SPCS2: variants seen among roughly 807,000 people sequenced by gnomAD.
SPCS2 encodes the protein SPase 25 kDa subunit.
A neutral mutation model predicts 22.3 loss-of-function variants in SPCS2; 3 were observed. The observed-to-expected ratio is 0.13, with a 90% CI of 0.06 to 0.35. SPCS2 has a LOEUF of 0.35. Among genes scored for constraint, SPCS2 ranks in the 10% least tolerant of loss-of-function variants. The pLI, the probability that SPCS2 is intolerant of heterozygous loss-of-function variation, is 1.00. For missense variants in SPCS2, 169 were observed against 280.9 expected, an observed-to-expected ratio of 0.60 and a Z score of 2.85; for synonymous variants, 67 against 97.2, an observed-to-expected ratio of 0.69 and a Z score of 1.83.
chr11:74,970,016 T>G (rs557061346), intron 4 of SPCS2, among the ~76,000 whole-genome samples: 13 of 152,208 alleles, frequency 8.5e-5, no homozygotes, highest in Non-Finnish European at 1.6e-4. Flanking sequence ...AGAATTCCAT[T>G]AGCTTCTGTG....
In SPCS2 at chr11:74,977,064, C is replaced by T. The variant is rs776484908; in HGVS notation, c.*21C>T. Reference sequence around the variant, plus strand: ...AGTAGCCAATTCTAAAAGTAGCCCTCTTTCTCCTGGATCTTGCTGAATTAG... The same window carrying T: ...AGTAGCCAATTCTAAAAGTAGCCCTTTTTCTCCTGGATCTTGCTGAATTAG... On this transcript the variant is annotated 3_prime_UTR_variant, in exon 5 of 5. Coordinates refer to ENST00000263672, the MANE Select transcript of SPCS2 (RefSeq NM_014752.3). 7.9e-6 allele frequency: 11 copies of T among 1,393,928 alleles called. No homozygotes were observed. The South Asian group carries it at 1.4e-4, about 17-fold the overall frequency. The allele number at this position is 1,393,928 out of a possible 1,614,324, so 86.3% of individuals were successfully genotyped here. A position where few individuals can be genotyped will look rare whatever the true frequency, so the allele number is the denominator to read the frequency against.
intron 1 of SPCS2, among the ~76,000 whole-genome samples, chr11:74,954,637 G>T (rs578142445): frequency 6.6e-6 from 1 of 152,184 alleles, no homozygotes; most frequent in Non-Finnish European, 1.5e-5. Flanking sequence ...ATAATTGTGT[G>T]TGTGTGTTTA....
chr11:74,978,615 CTT>C lies in SPCS2; in HGVS notation c.*1575_*1576del, dbSNP rs912168501. 2 of 152,226 alleles carry C rather than the reference CTT, an allele frequency of 1.3e-5. No individual in the cohort carries two copies. Among genetic ancestry groups the C allele is most frequent in the African/African-American group, 2.4e-5 (1 of 41,456 alleles). The allele number at this position is 152,226 out of a possible 1,614,324, so 9.4% of individuals were successfully genotyped here. ...TAACCTACACACATCCTCCCATATACTTTTAATCACCTCTGGATTACCTATAA... is the reference window on the plus strand; with the variant it reads ...TAACCTACACACATCCTCCCATATACTTAATCACCTCTGGATTACCTATAA... On this transcript the variant is annotated 3_prime_UTR_variant, in exon 5 of 5. Coordinates refer to ENST00000263672, the MANE Select transcript of SPCS2 (RefSeq NM_014752.3).
intron 1 of SPCS2, among the ~76,000 whole-genome samples, chr11:74,957,529 T>C (rs1487252289): frequency 2.6e-5 from 4 of 152,212 alleles, no homozygotes; most frequent in African/African-American, 7.2e-5. Flanking sequence ...TCCTAGCCAG[T>C]CTTCGTGCCT....
intron 3 of SPCS2, 73 bp from the exon 4 acceptor site, chr11:74,969,492 T>C (rs1948568281): frequency 7.0e-7 from 1 of 1,438,524 alleles, no homozygotes; most frequent in South Asian, 1.2e-5. Flanking sequence ...TGAAAGTTTT[T>C]ATATCTGTTG....
chr11:74,958,320 T>A (rs946446391), intron 1 of SPCS2, among the ~76,000 whole-genome samples: 9 of 152,248 alleles, frequency 5.9e-5, no homozygotes, highest in African/African-American at 1.9e-4. Flanking sequence ...CTTTGCAGTG[T>A]ATCTTGGCCA....
intron 1 of SPCS2, among the ~76,000 whole-genome samples, chr11:74,962,740 C>T (rs145296910): frequency 9.9e-5 from 15 of 152,256 alleles, no homozygotes; most frequent in South Asian, 4.1e-4. Flanking sequence ...TTACTTGCTT[C>T]GAAATGGGCT....
In SPCS2 at chr11:74,965,124, TC is replaced by T. The variant is rs1948536147; in HGVS notation, c.198+8del. On this transcript the variant is annotated splice_region_variant and intron_variant, in intron 2 of 4. Coordinates refer to ENST00000263672, the MANE Select transcript of SPCS2 (RefSeq NM_014752.3). ...GGATGATTCTGCCAAAAAGGTACTT[TC>T]TTGAGGAGGGGTTGGTTAGTATCTA... 6.5e-7 allele frequency: 1 copy of T among 1,544,288 alleles called. No individual in the cohort carries two copies. Among genetic ancestry groups the T allele is most frequent in the African/African-American group, 1.4e-5 (1 of 72,808 alleles).
Position 74,964,037 on chromosome 11 carries a change from G to A in SPCS2, c.115-997G>A, listed in dbSNP as rs540509664. 2.6e-5 allele frequency among the ~76,000 whole-genome samples: 4 copies of A among 152,312 alleles called. No homozygotes were observed. In the South Asian group the frequency reaches 8.3e-4, roughly 32 times the overall value. Reference sequence around the variant, plus strand: ...AAAAAATTTTAAAGGCACACATAGAGTAATCTTACTCCTCCCCGTATTTCT... The same window carrying A: ...AAAAAATTTTAAAGGCACACATAGAATAATCTTACTCCTCCCCGTATTTCT... On this transcript the variant is annotated intron_variant, in intron 1 of 4. Transcript: ENST00000263672.
chr11:74,973,804 A>G (rs550469974), intron 4 of SPCS2, among the ~76,000 whole-genome samples: 58 of 152,118 alleles, frequency 3.8e-4, no homozygotes, highest in African/African-American at 1.4e-3. Context: ...TAAGTCTACC[A>G]TCACTACTCA....
chr11:74,966,250 G>C (rs1027076095), intron 3 of SPCS2, among the ~76,000 whole-genome samples: 2 of 152,140 alleles, frequency 1.3e-5, no homozygotes, highest in Admixed American at 1.3e-4. Context: ...AACTTTTCCC[G>C]TTAGACGTGG....
chr11:74,974,808 G>A (rs1948606070), intron 4 of SPCS2, among the ~76,000 whole-genome samples: 1 of 152,056 alleles, frequency 6.6e-6, no homozygotes, highest in Non-Finnish European at 1.5e-5. Context: ...TAGAGACGGG[G>A]TTTCACCATG....
intron 1 of SPCS2, among the ~76,000 whole-genome samples, chr11:74,952,473 T>A (rs1342991946): frequency 6.6e-6 from 1 of 152,116 alleles, no homozygotes; most frequent in East Asian, 1.9e-4. Flanking sequence ...CTGCCCTTTT[T>A]ATTTTATTTT....
intron 1 of SPCS2, among the ~76,000 whole-genome samples, chr11:74,954,117 T>G (rs1182889094): frequency 6.6e-6 from 1 of 152,238 alleles, no homozygotes; most frequent in Non-Finnish European, 1.5e-5. Flanking sequence ...ACTACTGGCT[T>G]AAATGATTTT....
At chr11:74,953,977 T>A (rs1948461747) in intron 1 of SPCS2, among the ~76,000 whole-genome samples, 1 of 152,242 alleles carries the variant, frequency 6.6e-6, no homozygotes, top group African/African-American at 2.4e-5. Flanking sequence ...TTAATCTGTT[T>A]ACATCAGACT....
intron 1 of SPCS2, among the ~76,000 whole-genome samples, chr11:74,964,713 G>T (rs868271088): frequency 6.6e-6 from 1 of 152,206 alleles, no homozygotes; most frequent in Admixed American, 6.5e-5. Context: ...ACGTTTTCTG[G>T]TTCTGGGGTT....
At chr11:74,970,330 T>C (rs1292025135) in intron 4 of SPCS2, among the ~76,000 whole-genome samples, 1 of 152,244 alleles carries the variant, frequency 6.6e-6, no homozygotes, top group Non-Finnish European at 1.5e-5. Flanking sequence ...CAAATGTTTA[T>C]TGAACATTTA....
At chr11:74,972,662 T>C (rs1948591407) in intron 4 of SPCS2, among the ~76,000 whole-genome samples, 1 of 151,876 alleles carries the variant, frequency 6.6e-6, no homozygotes, top group Non-Finnish European at 1.5e-5. Flanking sequence ...AGCCCAGTCA[T>C]TGTCAGCCAT....
intron 4 of SPCS2, among the ~76,000 whole-genome samples, chr11:74,971,114 G>A (rs1948581315): frequency 6.6e-6 from 1 of 152,144 alleles, no homozygotes; most frequent in South Asian, 2.1e-4. Flanking sequence ...ACAATATGTG[G>A]TCTTTTATAA....
Sources: allele counts gnomAD v4.1 joint callset (sites outside exome capture counted in the v4.1 genomes callset), GRCh38; gene constraint gnomAD v4.1.1; transcripts MANE v1.5; gene names NCBI Gene and HGNC (gene_info 2026-07-23, HGNC 2026-07-21).